Variants in SMC6 observed in about 807,000 individuals in gnomAD.
SMC6 encodes structural maintenance of chromosomes protein 6.
In SMC6, 79 loss-of-function variants were observed where a neutral mutation model predicts 142.2. That is an observed-to-expected ratio of 0.56 (90% CI 0.46 to 0.67). SMC6 has a LOEUF of 0.67. Ranked by LOEUF, SMC6 falls within the 30% of genes least tolerant of loss-of-function variation. The probability of loss-of-function intolerance (pLI) is 0.00; values close to 1 mark genes in which losing one functional copy is unlikely to be tolerated. For synonymous variants in SMC6, 411 were observed against 412.4 expected (o/e 1.00, Z 0.04); for missense variants, 1,072 against 1,284.0 (o/e 0.83, Z 2.52).
chr2:17,676,073 C>T (rs1334181334), intron 25 of SMC6, among the ~76,000 whole-genome samples: 3 of 152,086 alleles, frequency 2.0e-5, no homozygotes, highest in Non-Finnish European at 2.9e-5. Context: ...TATTTCCTTT[C>T]GACCTGCCTT....
chr2:17,707,019 G>T (rs1324948376), intron 18 of SMC6, among the ~76,000 whole-genome samples, 200 bp downstream of exon 18: 1 of 152,158 alleles, frequency 6.6e-6, no homozygotes, highest in East Asian at 1.9e-4. Flanking sequence ...TATCAGTCCT[G>T]AATGACGTTG....
At chr2:17,724,237 T>C (rs1383587471) in intron 9 of SMC6, among the ~76,000 whole-genome samples, 4 of 152,212 alleles carry the variant, frequency 2.6e-5, no homozygotes, top group Non-Finnish European at 5.9e-5. Flanking sequence ...TGGTTTATAG[T>C]AACTCCTTAA....
chr2:17,667,395 T>C (rs952331602), intron 26 of SMC6, among the ~76,000 whole-genome samples: 11 of 152,196 alleles, frequency 7.2e-5, no homozygotes, highest in Admixed American at 5.2e-4. Flanking sequence ...TAATGCTTCG[T>C]TATAATAGGT....
At chr2:17,682,376 C>CT (rs1667274078) in intron 24 of SMC6, among the ~76,000 whole-genome samples, 1 of 152,158 alleles carries the variant, frequency 6.6e-6, no homozygotes, top group Non-Finnish European at 1.5e-5. Flanking sequence ...CCCCACACTG[C>CT]TCTTCACCGA....
At chr2:17,728,846 T>G (rs781710730) in intron 7 of SMC6, among the ~76,000 whole-genome samples, 3 of 152,238 alleles carry the variant, frequency 2.0e-5, no homozygotes, top group Non-Finnish European at 2.9e-5. Flanking sequence ...CCTCCTGGGT[T>G]CAAACAATTC....
intron 8 of SMC6, among the ~76,000 whole-genome samples, 161 bp downstream of exon 8, chr2:17,726,228 T>C (rs1669617724): frequency 6.6e-6 from 1 of 151,230 alleles, no homozygotes; most frequent in Non-Finnish European, 1.5e-5. Context: ...TACTCCCATC[T>C]TACTTAACAA....
intron 3 of SMC6, 146 bp downstream of exon 3, chr2:17,745,681 C>T: frequency 1.4e-6 from 1 of 727,218 alleles, no homozygotes; most frequent in Non-Finnish European, 2.0e-6. Flanking sequence ...TTAACATAAG[C>T]TTCAAAATTA....
chr2:17,670,528 G>T lies in SMC6; in HGVS notation c.2958C>A (p.Ala986=). Residue 986 remains alanine, a synonymous_variant, in exon 26 of 28, where the codon GCC becomes GCA. Coordinates refer to ENST00000448223, the MANE Select transcript of SMC6 (RefSeq NM_001142286.2). The part of the protein sequence containing the change: ...GNKAAFNDMR[A]LSGGERSFST... Reference sequence around the variant, plus strand: ...AGAAAGAACGTTCACCTCCAGACAAGGCTCTCATGTCATTGAAAGCAGCTT... The same window carrying T: ...AGAAAGAACGTTCACCTCCAGACAATGCTCTCATGTCATTGAAAGCAGCTT... 6.3e-7 allele frequency: 1 copy of T among 1,590,336 alleles called. No homozygotes were observed. Among genetic ancestry groups the T allele is most frequent in the Non-Finnish European group, 8.5e-7 (1 of 1,173,610 alleles).
chr2:17,680,087 T>C (rs893989731), intron 24 of SMC6: 2 of 152,184 alleles, frequency 1.3e-5, no homozygotes, highest in African/African-American at 4.8e-5. Flanking sequence ...TATTCATTCA[T>C]TGCTTCCATT....
chr2:17,696,521 T>C, intron 21 of SMC6, 95 bp from the exon 22 acceptor site: 1 of 1,335,888 alleles, frequency 7.5e-7, no homozygotes, highest in Non-Finnish European at 1.0e-6. Flanking sequence ...GCTAGGATTA[T>C]GCTGTTTGAA....
At chr2:17,724,642 AC>A (rs971272097) in intron 9 of SMC6, among the ~76,000 whole-genome samples, 53 of 152,358 alleles carry the variant, frequency 3.5e-4, no homozygotes, top group African/African-American at 1.3e-3. Flanking sequence ...AAGTATAAGA[AC>A]AAAATATAAC....
chr2:17,714,951 G>A lies in SMC6; in HGVS notation c.1640C>T (p.Ala547Val), dbSNP rs1368381869. Reference sequence around the variant, plus strand: ...TGGTAAATAAAACCTTTTCATGAGTGCCTGAAGGACCCTTTCATCAGCATG... The same window carrying A: ...TGGTAAATAAAACCTTTTCATGAGTACCTGAAGGACCCTTTCATCAGCATG... ...HNHADERVLQALMKRFYLPGT... is the reference protein window; with the variant it reads ...HNHADERVLQVLMKRFYLPGT... The change falls in exon 16 of 28, where the codon GCA (alanine) becomes GTA (valine). Residue 547 changes from alanine (A) to valine (V), a missense_variant. Coordinates refer to ENST00000448223, the MANE Select transcript of SMC6 (RefSeq NM_001142286.2). 1 of 1,613,830 alleles carries A rather than the reference G, an allele frequency of 6.2e-7. No individual in the cohort carries two copies. The highest frequency in any genetic ancestry group is 1.3e-5 in the African/African-American group (1 of 74,898).
At chr2:17,743,097 G>A (rs1007520669) in intron 3 of SMC6, among the ~76,000 whole-genome samples, 15 of 152,032 alleles carry the variant, frequency 9.9e-5, no homozygotes, top group African/African-American at 2.7e-4. Context: ...TCGGTAGTTC[G>A]CTCCTTTTTA....
chr2:17,701,582 A>G (rs1047504857), intron 20 of SMC6, among the ~76,000 whole-genome samples: 15 of 152,296 alleles, frequency 9.8e-5, no homozygotes, highest in African/African-American at 3.6e-4. Context: ...AAGTTTTGGT[A>G]AAGTTTTTTT....
At chr2:17,704,274 C>T (rs1008024191) in intron 18 of SMC6, among the ~76,000 whole-genome samples, 6 of 151,914 alleles carry the variant, frequency 3.9e-5, no homozygotes, top group Non-Finnish European at 8.8e-5. Flanking sequence ...AAAAGAAATA[C>T]AAAAAGGCAC....
At position 17,682,735 on chromosome 2, in the gene SMC6, T is replaced by C. The variant is rs534966211; in HGVS notation, c.2804+903A>G. Among the ~76,000 whole-genome samples the C allele has an allele frequency of 5.1e-4, 78 of 152,234 alleles. 1 individual carries two copies. The highest frequency in any genetic ancestry group is 1.8e-3 in the African/African-American group (74 of 41,546). ...ATTAGCCCACAACCAACGGCTGCTC[T>C]AATCTCATCTAACAAGGCTAAAAGT... On this transcript the variant is annotated intron_variant, in intron 24 of 27. Coordinates refer to ENST00000448223, the MANE Select transcript of SMC6 (RefSeq NM_001142286.2).
Position 17,745,946 on chromosome 2 carries a change from TC to T in SMC6, c.-1del. ...AAATTTTCTTCCTTTCTTTTGGCCA[TC>T]AGGTCTGAACAAATATTTATAGTAA... On this transcript the variant is annotated 5_prime_UTR_variant, in exon 3 of 28. Transcript: ENST00000448223. 6.2e-7 allele frequency: 1 copy of T among 1,603,162 alleles called. No individual in the cohort carries two copies.
At chr2:17,693,608 C>T (rs1254474747) in intron 23 of SMC6, among the ~76,000 whole-genome samples, 1 of 151,936 alleles carries the variant, frequency 6.6e-6, no homozygotes, top group Non-Finnish European at 1.5e-5. Flanking sequence ...GTAATGGGTG[C>T]AGCACACCAA....
In SMC6 at chr2:17,745,929, T is replaced by C. The variant is rs1670726085; in HGVS notation, c.18A>G (p.Glu6=). The C allele has an allele frequency of 6.2e-7, 1 of 1,608,444 alleles. No individual in the cohort carries two copies. The highest frequency in any genetic ancestry group is 8.5e-7 in the Non-Finnish European group (1 of 1,177,364). The change falls in exon 3 of 28, where the codon GAA becomes GAG. Residue 6 remains glutamate (E), a synonymous_variant. Coordinates refer to ENST00000448223, the MANE Select transcript of SMC6 (RefSeq NM_001142286.2). ...CATTTTTAGGAGAGGAAAAATTTTC[T>C]TCCTTTCTTTTGGCCATCAGGTCTG... MAKRK[E]ENFSSPKNAK... is the part of the protein sequence containing the mutation.
Sources: allele counts gnomAD v4.1 joint callset (sites outside exome capture counted in the v4.1 genomes callset), GRCh38; gene constraint gnomAD v4.1.1; transcripts MANE v1.5; gene names NCBI Gene and HGNC (gene_info 2026-07-23, HGNC 2026-07-21).